The following MRPL48 variants were observed in gnomAD, a reference collection of about 807,000 sequenced individuals.
MRPL48 encodes large ribosomal subunit protein mL48.
MRPL48 carries 16 observed loss-of-function variants against 32.9 expected under a neutral mutation model. That is an observed-to-expected ratio of 0.49 (90% CI 0.33 to 0.74). The LOEUF (loss-of-function observed/expected upper bound fraction) is 0.74, where lower values mean the gene tolerates loss of function less well. Ranked by LOEUF, MRPL48 falls within the 30% of genes least tolerant of loss-of-function variation. The pLI is 0.02. For missense variants in MRPL48, 206 were observed against 245.3 expected (o/e 0.84, Z 1.07); for synonymous variants, 94 against 89.2 (o/e 1.05, Z -0.31).
At chr11:73,849,605 T>C (rs1455281638) in intron 5 of MRPL48, among the ~76,000 whole-genome samples, 1 of 152,244 alleles carries the variant, frequency 6.6e-6, no homozygotes. Flanking sequence ...TTGTTGTTGC[T>C]GAGTAGCGTT....
intron 5 of MRPL48, among the ~76,000 whole-genome samples, chr11:73,857,793 G>T (rs891438787): frequency 6.7e-6 from 1 of 149,698 alleles, no homozygotes; most frequent in African/African-American, 2.5e-5. Context: ...CAGTTTCACC[G>T]TGTTGGTCAG....
intron 3 of MRPL48, among the ~76,000 whole-genome samples, chr11:73,816,832 T>TA (rs914070514): frequency 6.1e-5 from 9 of 148,260 alleles, no homozygotes; most frequent in African/African-American, 2.2e-4. Flanking sequence ...TGTTTATTAT[T>TA]TTTTTTTTTT....
chr11:73,824,611 G>C (rs1353060164), intron 3 of MRPL48, among the ~76,000 whole-genome samples: 1 of 151,806 alleles, frequency 6.6e-6, no homozygotes, highest in Non-Finnish European at 1.5e-5. Flanking sequence ...AAACTTTATG[G>C]AATTCTATGC....
chr11:73,794,806 A>C (rs1336019303), intron 1 of MRPL48, among the ~76,000 whole-genome samples: 1 of 137,374 alleles, frequency 7.3e-6, no homozygotes, highest in East Asian at 2.2e-4. Context: ...GTGCAGTGGC[A>C]TGATCTCGGC....
chr11:73,843,770 A>C (rs1331688576), intron 4 of MRPL48, among the ~76,000 whole-genome samples: 2 of 152,040 alleles, frequency 1.3e-5, no homozygotes, highest in Non-Finnish European at 2.9e-5. Context: ...TGTACACGTA[A>C]AATTTTGCAT....
At chr11:73,796,079 G>A (rs769836075) in intron 1 of MRPL48, among the ~76,000 whole-genome samples, 48 of 152,214 alleles carry the variant, frequency 3.2e-4, no homozygotes, top group Admixed American at 5.2e-4. Context: ...GCAGGGAGGC[G>A]TGGCCAGAGC....
At chr11:73,850,267 A>G (rs1464551296) in intron 5 of MRPL48, among the ~76,000 whole-genome samples, 1 of 151,970 alleles carries the variant, frequency 6.6e-6, no homozygotes, top group Non-Finnish European at 1.5e-5. Flanking sequence ...GAATCAATAT[A>G]AAATAGCAGT....
chr11:73,811,138 C>T (rs968011331), intron 3 of MRPL48, among the ~76,000 whole-genome samples: 7 of 152,196 alleles, frequency 4.6e-5, no homozygotes, highest in South Asian at 2.1e-4. Context: ...AAGAGGAGAG[C>T]GTTTCAAGAA....
At chr11:73,820,839 G>GTAAC (rs1380297863) in intron 3 of MRPL48, among the ~76,000 whole-genome samples, 7 of 152,026 alleles carry the variant, frequency 4.6e-5, no homozygotes, top group Non-Finnish European at 1.0e-4. Flanking sequence ...CCCCCTGGGG[G>GTAAC]TAACCACTAT....
chr11:73,840,023 C>A (rs984744702), intron 4 of MRPL48, among the ~76,000 whole-genome samples: 2 of 150,944 alleles, frequency 1.3e-5, no homozygotes, highest in Non-Finnish European at 2.9e-5. Context: ...ACTTGAGACC[C>A]GGAGTTCCAG....
chr11:73,797,350 A>G (rs1947274809), intron 1 of MRPL48, among the ~76,000 whole-genome samples: 1 of 152,224 alleles, frequency 6.6e-6, no homozygotes, highest in Non-Finnish European at 1.5e-5. Flanking sequence ...CAGGGCTAAA[A>G]GAGCTGCAAC....
intron 4 of MRPL48, among the ~76,000 whole-genome samples, chr11:73,835,733 T>C (rs1346545025): frequency 1.3e-5 from 2 of 151,870 alleles, no homozygotes; most frequent in African/African-American, 4.8e-5. Context: ...ACCCCATTTC[T>C]ACTAAAAATA....
At chr11:73,827,387 A>G (rs1947917737) in intron 4 of MRPL48, among the ~76,000 whole-genome samples, 1 of 152,160 alleles carries the variant, frequency 6.6e-6, no homozygotes, top group Non-Finnish European at 1.5e-5. Flanking sequence ...CTGTCTCAAA[A>G]ATAAATAGAT....
At chr11:73,797,870 C>A (rs2134942498) in intron 1 of MRPL48, among the ~76,000 whole-genome samples, 1 of 152,218 alleles carries the variant, frequency 6.6e-6, no homozygotes, top group South Asian at 2.1e-4. Flanking sequence ...TCCAAAAATC[C>A]CGTAACAATA....
At chr11:73,825,666 C>G (rs771076186) in intron 3 of MRPL48, 42 bp from the exon 4 acceptor site, 11 of 1,508,592 alleles carry the variant, frequency 7.3e-6, no homozygotes, top group Non-Finnish European at 9.9e-6. Flanking sequence ...ACGATAATAG[C>G]AACAACAAAA....
intron 5 of MRPL48, among the ~76,000 whole-genome samples, chr11:73,852,667 C>A (rs1948420075): frequency 6.6e-6 from 1 of 152,126 alleles, no homozygotes; most frequent in East Asian, 1.9e-4. Flanking sequence ...ATTAGTACAA[C>A]CATTATGGAG....
In MRPL48 at chr11:73,787,929, C is replaced by G. The variant is rs751599078; in HGVS notation, c.-43C>G. The G allele has an allele frequency of 8.7e-6, 14 of 1,604,952 alleles. No homozygotes were observed. The highest frequency in any genetic ancestry group is 4.4e-5 in the South Asian group (4 of 90,122). On this transcript the variant is annotated 5_prime_UTR_variant, in exon 1 of 8. Coordinates refer to ENST00000310614, the MANE Select transcript of MRPL48 (RefSeq NM_016055.6). Reference sequence around the variant, plus strand: ...GCCCTGGGAACGCGGCTGCAGGGTCCGGTCTTCGGTTTGCACAGCTAGAGG... The same window carrying G: ...GCCCTGGGAACGCGGCTGCAGGGTCGGGTCTTCGGTTTGCACAGCTAGAGG...
chr11:73,848,440 A>G (rs531146249), intron 5 of MRPL48, among the ~76,000 whole-genome samples: 5 of 151,070 alleles, frequency 3.3e-5, no homozygotes, highest in African/African-American at 1.2e-4. Flanking sequence ...TTTTCCATAA[A>G]AATTTTTAGA....
At chr11:73,818,714 A>G (rs1209092371) in intron 3 of MRPL48, among the ~76,000 whole-genome samples, 1 of 152,228 alleles carries the variant, frequency 6.6e-6, no homozygotes, top group East Asian at 1.9e-4. Flanking sequence ...CCCTACCTGC[A>G]TAGCCCTGTT....
Sources: allele counts gnomAD v4.1 joint callset (sites outside exome capture counted in the v4.1 genomes callset), GRCh38; gene constraint gnomAD v4.1.1; transcripts MANE v1.5; gene names NCBI Gene and HGNC (gene_info 2026-07-23, HGNC 2026-07-21).